CPA5: variants seen among roughly 807,000 people sequenced by gnomAD.
The protein encoded by CPA5 is testicular tissue protein Li 32.
CPA5 carries 38 observed loss-of-function variants against 52.2 expected under a neutral mutation model. That is an observed-to-expected ratio of 0.73 (90% confidence interval 0.56 to 0.95). The LOEUF (loss-of-function observed/expected upper bound fraction) is 0.95, where lower values mean the gene tolerates loss of function less well. Ranked by LOEUF, CPA5 falls within the 40% of genes least tolerant of loss-of-function variation. The pLI, the probability that CPA5 is intolerant of heterozygous loss-of-function variation, is 0.00. For missense variants in CPA5, 519 were observed against 566.7 expected (o/e 0.92, Z 0.86); for synonymous variants, 198 against 213.7 (o/e 0.93, Z 0.64).
intron 7 of CPA5, 116 bp downstream of exon 7, chr7:130,361,360 C>A: frequency 1.4e-6 from 1 of 705,534 alleles, no homozygotes; most frequent in Admixed American, 2.3e-5. Context: ...AATTTGTCTA[C>A]TCCTGTCCCC....
intron 11 of CPA5, 61 bp downstream of exon 11, chr7:130,367,632 G>C (rs1796172108): frequency 6.8e-7 from 1 of 1,467,626 alleles, no homozygotes; most frequent in African/African-American, 1.4e-5. Flanking sequence ...ATCCATATCT[G>C]TCATACTCCC....
intron 4 of CPA5, among the ~76,000 whole-genome samples, chr7:130,348,268 C>T (rs1242515326): frequency 2.6e-5 from 4 of 152,196 alleles, no homozygotes; most frequent in Admixed American, 6.5e-5. Flanking sequence ...GGTTCGTCCC[C>T]GTCAGCCTGA....
downstream of CPA5, among the ~76,000 whole-genome samples, chr7:130,371,161 C>A (rs1554409889): frequency 2.6e-5 from 4 of 152,224 alleles, no homozygotes; most frequent in Non-Finnish European, 5.9e-5. Context: ...CAAGAACTGG[C>A]CTAGGGGCAG....
At chr7:130,362,298 A>C in intron 7 of CPA5, 140 bp from the exon 8 acceptor site, 1 of 550,720 alleles carries the variant, frequency 1.8e-6, no homozygotes. Flanking sequence ...ATGGACAGGT[A>C]CCTGCACACA....
chr7:130,356,896 G>A (rs960642761), intron 5 of CPA5, among the ~76,000 whole-genome samples: 5 of 152,186 alleles, frequency 3.3e-5, no homozygotes, highest in East Asian at 1.9e-4. Flanking sequence ...GCAGCTGCTC[G>A]TCACAGCTGA....
At chr7:130,361,467 A>T (rs1795787414) in intron 7 of CPA5, among the ~76,000 whole-genome samples, 2 of 152,078 alleles carry the variant, frequency 1.3e-5, no homozygotes, top group East Asian at 3.9e-4. Context: ...CTTGGTCAGG[A>T]AGTAGGTGGG....
downstream of CPA5, among the ~76,000 whole-genome samples, chr7:130,368,931 A>G (rs902525204): frequency 1.3e-5 from 2 of 152,162 alleles, no homozygotes; most frequent in Admixed American, 6.5e-5. Flanking sequence ...CACAGAAGGC[A>G]CACATTGTCC....
chr7:130,350,116 C>A lies in CPA5; in HGVS notation c.333+7C>A. On this transcript the variant is annotated splice_region_variant and intron_variant, in intron 5 of 12. Coordinates refer to ENST00000474905, the MANE Select transcript of CPA5 (RefSeq NM_080385.5). ...CATGATAAAGGACATCCAGGTGAAG[C>A]CCTGCCCCAGCTGGGACCCTGCCTT... The A allele has an allele frequency of 6.2e-7, 1 of 1,608,596 alleles. No homozygotes were observed. Among genetic ancestry groups the A allele is most frequent in the Non-Finnish European group, 8.5e-7 (1 of 1,178,210 alleles).
chr7:130,361,276 T>G, intron 7 of CPA5, 32 bp downstream of exon 7: 2 of 1,428,268 alleles, frequency 1.4e-6, no homozygotes, highest in Non-Finnish European at 2.0e-6. Flanking sequence ...CTGTAGACTC[T>G]ACCTTGAGGG....
chr7:130,356,883 C>A (rs1795504561), intron 5 of CPA5, among the ~76,000 whole-genome samples: 1 of 152,254 alleles, frequency 6.6e-6, no homozygotes, highest in Non-Finnish European at 1.5e-5. Context: ...TGCTGTCTTC[C>A]TTGCAGCTGC....
Position 130,362,603 on chromosome 7 carries a change from A to G in CPA5, c.636+64A>G, listed in dbSNP as rs183267028. 4.1e-6 allele frequency: 5 copies of G among 1,209,458 alleles called. No homozygotes were observed. The Admixed American group carries it at 8.8e-5, about 21-fold the overall frequency. 74.9% of individuals were successfully genotyped at this position (1,209,458 alleles called of 1,614,324 possible). Reference sequence around the variant, plus strand: ...GGGCTGCAACTGGGGGCAGGAACTTACTATTTAAGGGCACCTTCAGTTCAA... The same window carrying G: ...GGGCTGCAACTGGGGGCAGGAACTTGCTATTTAAGGGCACCTTCAGTTCAA... On this transcript the variant is annotated intron_variant, in intron 8 of 12. Transcript: ENST00000474905.
chr7:130,367,413 G>C lies in CPA5; in HGVS notation c.880G>C (p.Gly294Arg). Reference protein sequence around the residue: ...NSNPCSETYHGPSPQSEPEVA... With the variant: ...NSNPCSETYHRPSPQSEPEVA... Reference sequence around the variant, plus strand: ...CAACCCCTGCTCAGAAACTTATCACGGGCCCTCCCCTCAGTCGGAGCCGGA... The same window carrying C: ...CAACCCCTGCTCAGAAACTTATCACCGGCCCTCCCCTCAGTCGGAGCCGGA... Residue 294 changes from glycine (G) to arginine (R), a missense_variant, in exon 11 of 13, where the codon GGG (glycine) becomes CGG (arginine). Gly to Arg is a moderately radical substitution (Grantham distance 125). Coordinates refer to ENST00000474905, the MANE Select transcript of CPA5 (RefSeq NM_080385.5). 1 of 1,614,058 alleles carries C rather than the reference G, an allele frequency of 6.2e-7. No homozygotes were observed. The highest frequency in any genetic ancestry group is 8.5e-7 in the Non-Finnish European group (1 of 1,180,016).
At chr7:130,348,855 G>A (rs1424165010) in intron 4 of CPA5, among the ~76,000 whole-genome samples, 4 of 152,160 alleles carry the variant, frequency 2.6e-5, no homozygotes, top group African/African-American at 4.8e-5. Context: ...AACATTAAAC[G>A]GAAAATTCCA....
At chr7:130,347,737 T>G (rs1181391089) in intron 3 of CPA5, 29 bp from the exon 4 acceptor site, 1 of 1,595,328 alleles carries the variant, frequency 6.3e-7, no homozygotes, top group African/African-American at 1.3e-5. Flanking sequence ...TCTCCGCAGC[T>G]TCCTCCGCCC....
chr7:130,362,571 A>C, intron 8 of CPA5, 32 bp downstream of exon 8: 1 of 1,492,940 alleles, frequency 6.7e-7, no homozygotes, highest in Non-Finnish European at 9.3e-7. Context: ...AGGTGCACCC[A>C]CGATGGGGGC....
chr7:130,347,336 GCCTTGGGGCCCCCTCGCGAAGAGC>G (rs1408300351), intron 3 of CPA5, among the ~76,000 whole-genome samples: 1 of 152,222 alleles, frequency 6.6e-6, no homozygotes, highest in African/African-American at 2.4e-5. Context: ...ACAGACCATG[GCCTTGGGGCCCCCTCGCGAAGAGC>G]CCTTGGGGCC....
the CPA5 span, among the ~76,000 whole-genome samples, chr7:130,374,485 G>A: frequency 6.6e-6 from 1 of 152,156 alleles, no homozygotes; most frequent in African/African-American, 2.4e-5. Context: ...TGCCCTGTCA[G>A]CCCACCTCTC....
intron 1 of CPA5, chr7:130,345,584 C>T (rs1412807806): frequency 6.6e-6 from 1 of 152,222 alleles, no homozygotes; most frequent in Non-Finnish European, 1.5e-5. Flanking sequence ...GTTGAGAACT[C>T]TAATAATGAC....
At chr7:130,363,375 G>A (rs781974146) in intron 9 of CPA5, 44 bp from the exon 10 acceptor site, 1 of 1,509,994 alleles carries the variant, frequency 6.6e-7, no homozygotes, top group South Asian at 1.2e-5. Flanking sequence ...CCATCCCTGG[G>A]AATGGGCCCA....
Sources: gnomAD v4.1 joint callset for allele counts (sites outside exome capture counted in the v4.1 genomes callset) on GRCh38, gnomAD v4.1.1 for gene constraint, MANE v1.5 for transcripts, NCBI Gene and HGNC (gene_info 2026-07-23, HGNC 2026-07-21) for gene names.